Variants in NUP88 observed in about 807,000 individuals in gnomAD.
The protein encoded by NUP88 is nucleoporin 88, also known as nuclear pore complex protein Nup88.
Under a neutral mutation model 93.9 loss-of-function variants are expected in NUP88, and 57 were observed. That is an observed-to-expected ratio of 0.61 (90% CI 0.49 to 0.76). The LOEUF (loss-of-function observed/expected upper bound fraction) is 0.76. NUP88 is among the 30% of genes least tolerant of loss of function. NUP88 has a pLI of 0.00. For missense variants in NUP88, 911 were observed against 901.0 expected (o/e 1.01, Z -0.14); for synonymous variants, 346 against 336.8 (o/e 1.03, Z -0.30).
At chr17:5,387,558 T>C (rs769312404) in intron 13 of NUP88, 47 bp downstream of exon 13, 31 of 1,597,704 alleles carry the variant, frequency 1.9e-5, no homozygotes, top group Admixed American at 8.4e-5. Context: ...GAGAATATGG[T>C]TCCAGTCTTA....
chr17:5,390,463 C>T (rs1212729041), intron 10 of NUP88, among the ~76,000 whole-genome samples: 2 of 152,140 alleles, frequency 1.3e-5, no homozygotes, highest in African/African-American at 2.4e-5. Flanking sequence ...CCTCTAAGGA[C>T]AGTAAACTAC....
Position 5,393,583 on chromosome 17 carries a change from T to C in NUP88, c.1382+1308A>G, listed in dbSNP as rs1912585123. 2.0e-5 allele frequency among the ~76,000 whole-genome samples: 3 copies of C among 151,874 alleles called. No individual in the cohort carries two copies. The South Asian group carries it at 6.2e-4, about 32-fold the overall frequency. On this transcript the variant is annotated intron_variant, in intron 9 of 16. Transcript: ENST00000573584. ...TCCCGAGTAGCTGGGATTGCAGGTG[T>C]CTGCCACCATGCCTGGCTAATTTTT... is the stretch of plus-strand genomic sequence containing the variant.
Position 5,386,099 on chromosome 17 carries a change from G to A in NUP88, c.*107C>T. On this transcript the variant is annotated 3_prime_UTR_variant, in exon 17 of 17. Transcript: ENST00000573584. ...ATTTAAAAAGATGAACCACACCAAAGGTCATCAAAACACCTTTTTATAAAT... is the reference window on the plus strand; with the variant it reads ...ATTTAAAAAGATGAACCACACCAAAAGTCATCAAAACACCTTTTTATAAAT... The A allele has an allele frequency of 1.3e-6, 1 of 759,482 alleles. No individual in the cohort carries two copies. The allele number at this position is 759,482 out of a possible 1,614,324, so 47.0% of individuals were successfully genotyped here. A position where few individuals can be genotyped will look rare whatever the true frequency, so the allele number is the denominator to read the frequency against.
chr17:5,416,159 A>AGTATATATATATAT (rs1302350232), intron 2 of NUP88, among the ~76,000 whole-genome samples: 8 of 71,020 alleles, frequency 1.1e-4, no homozygotes, highest in Non-Finnish European at 2.0e-4. Flanking sequence ...AAAAAAAAAA[A>AGTATATATATATAT]AAAAAAAGTA....
chr17:5,394,833 T>C, intron 9 of NUP88, 58 bp downstream of exon 9: 1 of 1,170,038 alleles, frequency 8.5e-7, no homozygotes, highest in Non-Finnish European at 1.3e-6. Flanking sequence ...TACAAACGTA[T>C]CTGAACTGCT....
chr17:5,400,642 G>A (rs529786397), intron 7 of NUP88, among the ~76,000 whole-genome samples: 130 of 152,224 alleles, frequency 8.5e-4, no homozygotes, highest in African/African-American at 3.0e-3. Flanking sequence ...AAAGAAAATG[G>A]TGGTTAAAAT....
chr17:5,385,780 G>A lies in NUP88; in HGVS notation c.*426C>T. On this transcript the variant is annotated 3_prime_UTR_variant, in exon 17 of 17. Transcript: ENST00000573584. ...CTGAAGGTGTGTCCTCAAGAAGAAA[G>A]TGTTCAAATTAAAAAAGCTGCTGCC... The A allele has an allele frequency of 4.2e-6, 1 of 235,440 alleles. No homozygotes were observed. Among genetic ancestry groups the A allele is most frequent in the Non-Finnish European group, 8.3e-6 (1 of 119,998 alleles). 14.6% of individuals were successfully genotyped at this position (235,440 alleles called of 1,614,324 possible). A position where few individuals can be genotyped will look rare whatever the true frequency, so the allele number is the denominator to read the frequency against.
At chr17:5,406,053 T>C (rs1317721145) in intron 5 of NUP88, among the ~76,000 whole-genome samples, 1 of 152,320 alleles carries the variant, frequency 6.6e-6, no homozygotes, top group East Asian at 1.9e-4. Context: ...AAATACTTAT[T>C]ATTGAGTGCT....
rs2151642680 is a variant in NUP88 at position 5,404,963 on chromosome 17, G to C, written c.1044+94C>G. The C allele has an allele frequency of 3.7e-6, 4 of 1,088,774 alleles. No homozygotes were observed. In the East Asian group the frequency reaches 1.1e-4, roughly 29 times the overall value. 67.4% of individuals were successfully genotyped at this position (1,088,774 alleles called of 1,614,324 possible). ...AAAATATCAGAAGTTCCATAAGTAA[G>C]TTAAAATTCCTTCTCATATATTAAG... On this transcript the variant is annotated intron_variant, in intron 6 of 16. Coordinates refer to ENST00000573584, the MANE Select transcript of NUP88 (RefSeq NM_002532.6).
chr17:5,416,159 A>AGTATATATATAT (rs1302350232), intron 2 of NUP88, among the ~76,000 whole-genome samples: 122 of 70,762 alleles, frequency 1.7e-3, no homozygotes, highest in Non-Finnish European at 2.6e-3. Flanking sequence ...AAAAAAAAAA[A>AGTATATATATAT]AAAAAAAGTA....
chr17:5,386,881 G>GT (rs1160522301), intron 15 of NUP88, 55 bp from the exon 16 acceptor site: 83 of 1,579,434 alleles, frequency 5.3e-5, no homozygotes, highest in East Asian at 2.9e-4. Flanking sequence ...CATTTTCACA[G>GT]TATCTATTTG....
chr17:5,399,609 C>G lies in NUP88; in HGVS notation c.1234G>C (p.Gly412Arg), dbSNP rs751285422. 6.2e-7 allele frequency: 1 copy of G among 1,609,652 alleles called. No homozygotes were observed. The highest frequency in any genetic ancestry group is 2.2e-5 in the East Asian group (1 of 44,716). The change falls in exon 8 of 17, where the codon GGT becomes CGT. Residue 412 changes from glycine to arginine, a missense_variant. Gly to Arg is a moderately radical substitution (Grantham distance 125). Coordinates refer to ENST00000573584, the MANE Select transcript of NUP88 (RefSeq NM_002532.6). Reference sequence around the variant, plus strand: ...CAAGTTAGCCCAACACTATGTACACCAGCTTCATGAGTACAGTGATATCTT... The same window carrying G: ...CAAGTTAGCCCAACACTATGTACACGAGCTTCATGAGTACAGTGATATCTT... The part of the protein sequence containing the change: ...PSRYHCTHEA[G>R]VHSVGLTWIH...
intron 7 of NUP88, among the ~76,000 whole-genome samples, chr17:5,401,241 G>A (rs1913142391): frequency 6.6e-6 from 1 of 152,092 alleles, no homozygotes; most frequent in Non-Finnish European, 1.5e-5. Context: ...AAATTAGCCA[G>A]GCGTGGCGGC....
chr17:5,394,468 T>G (rs956765196), intron 9 of NUP88, among the ~76,000 whole-genome samples: 18 of 152,126 alleles, frequency 1.2e-4, no homozygotes, highest in African/African-American at 2.4e-5. Context: ...TCATGAAACA[T>G]ATACATTCCG....
chr17:5,397,399 T>TAA (rs1377931035), intron 8 of NUP88, among the ~76,000 whole-genome samples: 1 of 151,860 alleles, frequency 6.6e-6, no homozygotes, highest in Non-Finnish European at 1.5e-5. Flanking sequence ...CGGGCAGACT[T>TAA]AATGTTACCA....
In NUP88 at chr17:5,387,421, C is replaced by T. The variant is rs1468616443; in HGVS notation, c.1881G>A (p.Glu627=). 6.2e-7 allele frequency: 1 copy of T among 1,613,976 alleles called. No individual in the cohort carries two copies. Among genetic ancestry groups the T allele is most frequent in the African/African-American group, 1.3e-5 (1 of 74,908 alleles). The part of the protein sequence containing the change: ...EMAERLADKY[E]EAKEKQEDIM... Reference sequence around the variant, plus strand: ...TATCCTCTTGTTTTTCTTTAGCTTCCTCATATTTGTCAGCTAAACGCTCAG... The same window carrying T: ...TATCCTCTTGTTTTTCTTTAGCTTCTTCATATTTGTCAGCTAAACGCTCAG... The change falls in exon 14 of 17, where the codon GAG becomes GAA. Residue 627 remains glutamate, a synonymous_variant. Coordinates refer to ENST00000573584, the MANE Select transcript of NUP88 (RefSeq NM_002532.6).
chr17:5,388,843 T>G lies in NUP88; in HGVS notation c.1602A>C (p.Arg534Ser). 1 of 1,613,982 alleles carries G rather than the reference T, an allele frequency of 6.2e-7. No homozygotes were observed. Among genetic ancestry groups the G allele is most frequent in the South Asian group, 1.1e-5 (1 of 91,040 alleles). The change falls in exon 11 of 17, where the codon AGA becomes AGC. Residue 534 changes from arginine to serine, a missense_variant. Transcript: ENST00000573584. ...ETPDSFEKHI[R>S]SILQRSVANP... is the part of the protein sequence containing the mutation. ...TGGCAACACTACGTTGCAAAATGCT[T>G]CTAATATGCTTTTCAAAGGAATCTG...
Position 5,419,643 on chromosome 17 carries a change from G to T in NUP88, c.8C>A (p.Ala3Asp). Residue 3 changes from alanine to aspartate, a missense_variant, in exon 1 of 17, where the codon GCC (alanine) becomes GAC (aspartate). Coordinates refer to ENST00000573584, the MANE Select transcript of NUP88 (RefSeq NM_002532.6). The part of the protein sequence containing the change: MA[A>D]AEGPVGDGEL... The stretch of plus-strand genomic sequence containing the variant: ...GCCGTCGCCCACCGGTCCCTCGGCG[G>T]CCGCCATCTTGGCCCAACTGCTCCC... 6.3e-7 allele frequency: 1 copy of T among 1,588,190 alleles called. No homozygotes were observed. The highest frequency in any genetic ancestry group is 8.6e-7 in the Non-Finnish European group (1 of 1,167,032).
rs1913291491 is a variant in NUP88 at position 5,403,496 on chromosome 17, A to G, written c.1192+603T>C. On this transcript the variant is annotated intron_variant, in intron 7 of 16. Transcript: ENST00000573584. ...CATCTCAAAATAAATGAATAAATGA[A>G]ATAAAAATATAAAAATTAGCCAGGC... 2.0e-5 allele frequency among the ~76,000 whole-genome samples: 3 copies of G among 152,036 alleles called. No individual in the cohort carries two copies. In the South Asian group the frequency reaches 6.2e-4, roughly 32 times the overall value.
Sources: allele counts gnomAD v4.1 joint callset (sites outside exome capture counted in the v4.1 genomes callset), GRCh38; gene constraint gnomAD v4.1.1; transcripts MANE v1.5; gene names NCBI Gene and HGNC (gene_info 2026-07-23, HGNC 2026-07-21).